PCDH9: variants seen among roughly 807,000 people sequenced by gnomAD.
PCDH9 encodes the protein protocadherin 9, also known as protocadherin-9.
Under a neutral mutation model 70.6 loss-of-function variants are expected in PCDH9, and 24 were observed. The ratio of observed to expected loss-of-function variants is 0.34; its 90% CI spans 0.25 to 0.48. The LOEUF (loss-of-function observed/expected upper bound fraction) is 0.48, where lower values mean the gene tolerates loss of function less well. Among genes scored for constraint, PCDH9 ranks in the 20% least tolerant of loss-of-function variants. The probability of loss-of-function intolerance (pLI) is 0.99; values close to 1 mark genes in which losing one functional copy is unlikely to be tolerated. For synonymous variants in PCDH9, 562 were observed against 558.5 expected (o/e 1.01, Z -0.09); for missense variants, 1,281 against 1,503.6 (o/e 0.85, Z 2.45).
At chr13:66,762,917 A>G (rs1442010) in intron 3 of PCDH9, among the ~76,000 whole-genome samples, 59,140 of 151,790 alleles carry the variant, frequency 0.39, 11,868 homozygotes, top group East Asian at 0.58. Flanking sequence ...TAAATTCAGA[A>G]AGATTCAAAG....
intron 2 of PCDH9, chr13:67,220,368 G>A (rs555739085): frequency 9.9e-5 from 15 of 151,914 alleles, no homozygotes; most frequent in Admixed American, 2.6e-4. Context: ...AAACCTTAAG[G>A]TTCAATATAA....
At chr13:66,910,095 T>C (rs2082435079) in intron 2 of PCDH9, among the ~76,000 whole-genome samples, 1 of 152,172 alleles carries the variant, frequency 6.6e-6, no homozygotes. Context: ...GTCTTCCTTC[T>C]TGATGTCTCA....
intron 3 of PCDH9, among the ~76,000 whole-genome samples, chr13:66,820,998 A>G (rs2080702733): frequency 6.6e-6 from 1 of 152,168 alleles, no homozygotes; most frequent in Non-Finnish European, 1.5e-5. Flanking sequence ...AAAATTTAAA[A>G]AAAATTTAAA....
At chr13:66,857,909 A>T (rs2081420903) in intron 3 of PCDH9, among the ~76,000 whole-genome samples, 1 of 152,166 alleles carries the variant, frequency 6.6e-6, no homozygotes, top group Non-Finnish European at 1.5e-5. Flanking sequence ...AAAGCCTCAA[A>T]GCCAGGGACA....
At chr13:66,804,030 T>G (rs1322099804) in intron 3 of PCDH9, among the ~76,000 whole-genome samples, 2 of 152,302 alleles carry the variant, frequency 1.3e-5, no homozygotes, top group African/African-American at 4.8e-5. Flanking sequence ...CCACACATGA[T>G]TTTGCTACAA....
intron 4 of PCDH9, among the ~76,000 whole-genome samples, chr13:66,397,054 G>C (rs918812915): frequency 6.6e-6 from 1 of 152,144 alleles, no homozygotes; most frequent in African/African-American, 2.4e-5. Flanking sequence ...TGATTGAACT[G>C]ATATACTGAT....
chr13:67,021,453 T>C (rs1015681863), intron 2 of PCDH9, among the ~76,000 whole-genome samples: 3 of 152,242 alleles, frequency 2.0e-5, no homozygotes, highest in Non-Finnish European at 2.9e-5. Flanking sequence ...AAGTTTTTGA[T>C]ACTAGAAAAG....
chr13:66,896,908 C>G (rs1373441060), intron 3 of PCDH9, among the ~76,000 whole-genome samples: 1 of 152,138 alleles, frequency 6.6e-6, no homozygotes, highest in Non-Finnish European at 1.5e-5. Flanking sequence ...TCTCATTTTT[C>G]TACCAACACA....
rs1298688835 is a variant in PCDH9 at position 66,501,420 on chromosome 13, A to G, written c.3340+129790T>C. The stretch of plus-strand genomic sequence containing the variant: ...ATGTCAAATATTCTCCTGTGTCATA[A>G]AGAATTTCATTAAACAGCATGGGAG... On this transcript the variant is annotated intron_variant, in intron 4 of 4. Transcript: ENST00000377865. Among the ~76,000 whole-genome samples the G allele has an allele frequency of 2.6e-5, 4 of 152,130 alleles. No individual in the cohort carries two copies. The East Asian group carries it at 7.7e-4, about 29-fold the overall frequency.
chr13:67,062,789 A>G (rs1202641802), intron 2 of PCDH9, among the ~76,000 whole-genome samples: 3 of 152,172 alleles, frequency 2.0e-5, no homozygotes, highest in Non-Finnish European at 2.9e-5. Context: ...AACATGCTTT[A>G]GTTTAATTAA....
At chr13:67,087,306 AG>A in intron 2 of PCDH9, among the ~76,000 whole-genome samples, 1 of 152,150 alleles carries the variant, frequency 6.6e-6, no homozygotes, top group Non-Finnish European at 1.5e-5. Context: ...TCTGAGTTTT[AG>A]GCCTTAGAAA....
At chr13:67,011,175 G>C (rs189624820) in intron 2 of PCDH9, among the ~76,000 whole-genome samples, 1 of 151,830 alleles carries the variant, frequency 6.6e-6, no homozygotes, top group African/African-American at 2.4e-5. Context: ...ATAAAGTAAT[G>C]TCAAATATTT....
At chr13:66,691,518 A>G (rs909140263) in intron 3 of PCDH9, among the ~76,000 whole-genome samples, 1 of 152,194 alleles carries the variant, frequency 6.6e-6, no homozygotes, top group Non-Finnish European at 1.5e-5. Context: ...GGACACAGTT[A>G]AATTTAAAAA....
chr13:67,216,020 A>T (rs1391845779), intron 2 of PCDH9: 2 of 152,180 alleles, frequency 1.3e-5, no homozygotes, highest in Non-Finnish European at 2.9e-5. Context: ...CATGTGAGGA[A>T]CAATCCTGAA....
intron 2 of PCDH9, among the ~76,000 whole-genome samples, chr13:67,167,308 G>C (rs772843797): frequency 6.6e-6 from 1 of 152,016 alleles, no homozygotes; most frequent in Non-Finnish European, 1.5e-5. Context: ...TTGGGGTTCT[G>C]TTTCCCCTAA....
chr13:66,448,168 C>T (rs1398026398), intron 4 of PCDH9, among the ~76,000 whole-genome samples: 1 of 152,138 alleles, frequency 6.6e-6, no homozygotes, highest in Admixed American at 6.6e-5. Context: ...GACACAAATT[C>T]AAGTCCCAGA....
intron 4 of PCDH9, among the ~76,000 whole-genome samples, chr13:66,351,795 AT>A (rs1956295618): frequency 6.6e-6 from 1 of 152,088 alleles, no homozygotes; most frequent in Non-Finnish European, 1.5e-5. Flanking sequence ...ATATAAAAAA[AT>A]AAACCAACTT....
intron 4 of PCDH9, among the ~76,000 whole-genome samples, chr13:66,555,374 A>C (rs2225840): frequency 6.6e-6 from 1 of 150,486 alleles, no homozygotes; most frequent in Non-Finnish European, 1.5e-5. Context: ...GCAATTTTAT[A>C]TGTCCTTGTT....
chr13:66,798,936 T>A (rs1293865812), intron 3 of PCDH9, among the ~76,000 whole-genome samples: 1 of 152,038 alleles, frequency 6.6e-6, no homozygotes, highest in Non-Finnish European at 1.5e-5. Flanking sequence ...TGCCTCAACA[T>A]CCTGAGTAGC....
Sources: allele counts gnomAD v4.1 joint callset (sites outside exome capture counted in the v4.1 genomes callset), GRCh38; gene constraint gnomAD v4.1.1; transcripts MANE v1.5; gene names NCBI Gene and HGNC (gene_info 2026-07-23, HGNC 2026-07-21).